Variants in STK24 observed in about 807,000 individuals in gnomAD.
STK24 encodes serine/threonine kinase 24.
In STK24, 21 loss-of-function variants were observed where a neutral mutation model predicts 55.6. The ratio of observed to expected loss-of-function variants is 0.38; its 90% confidence interval spans 0.27 to 0.54. The LOEUF is 0.54. Ranked by LOEUF, STK24 falls within the 20% of genes least tolerant of loss-of-function variation. The probability of loss-of-function intolerance (pLI) is 0.79; values close to 1 mark genes in which losing one functional copy is unlikely to be tolerated. For synonymous variants in STK24, 200 were observed against 215.2 expected (o/e 0.93, Z 0.62); for missense variants, 383 against 538.4 (o/e 0.71, Z 2.86).
At chr13:98,504,196 A>C (rs1337804797) in intron 2 of STK24, among the ~76,000 whole-genome samples, 3 of 148,956 alleles carry the variant, frequency 2.0e-5, no homozygotes, top group Non-Finnish European at 4.5e-5. Context: ...GCCTAACTTA[A>C]CTGAAGACAA....
intron 1 of STK24, among the ~76,000 whole-genome samples, chr13:98,570,635 G>A (rs1401963417): frequency 6.6e-6 from 1 of 152,184 alleles, no homozygotes; most frequent in Non-Finnish European, 1.5e-5. Context: ...TTCCCTGGGT[G>A]CGCATAAAGT....
rs1168633103 is a variant in STK24 at position 98,452,090 on chromosome 13, A to C, written c.*1083T>G. The C allele has an allele frequency of 6.6e-6, 1 of 152,240 alleles. No homozygotes were observed. The highest frequency in any genetic ancestry group is 2.4e-5 in the African/African-American group (1 of 41,456). The allele number at this position is 152,240 out of a possible 1,614,324, so 9.4% of individuals were successfully genotyped here. ...CACACACACACAGCCACGAGTACAC[A>C]CGCACGGCCACACATACACAGCAGG... On this transcript the variant is annotated 3_prime_UTR_variant, in exon 11 of 11. Coordinates refer to ENST00000539966, the MANE Select transcript of STK24 (RefSeq NM_001032296.4).
chr13:98,453,082 G>T lies in STK24; in HGVS notation c.*91C>A. 1 of 1,478,206 alleles carries T rather than the reference G, an allele frequency of 6.8e-7. No homozygotes were observed. The allele number at this position is 1,478,206 out of a possible 1,614,324, so 91.6% of individuals were successfully genotyped here. Reference sequence around the variant, plus strand: ...GCTCCCAGTGGCGCACCTCTTCGGTGGAGTCAGCGAAGGCTCTCGTTGACT... The same window carrying T: ...GCTCCCAGTGGCGCACCTCTTCGGTTGAGTCAGCGAAGGCTCTCGTTGACT... On this transcript the variant is annotated 3_prime_UTR_variant, in exon 11 of 11. Coordinates refer to ENST00000539966, the MANE Select transcript of STK24 (RefSeq NM_001032296.4).
chr13:98,522,549 A>C (rs962691393), intron 1 of STK24, among the ~76,000 whole-genome samples: 1 of 152,196 alleles, frequency 6.6e-6, no homozygotes, highest in African/African-American at 2.4e-5. Context: ...TCTGAACAGG[A>C]ACCCCCCAGA....
chr13:98,481,974 C>T lies in STK24; in HGVS notation c.330+291G>A, dbSNP rs558136879. Reference sequence around the variant, plus strand: ...CCCAGTTACTTGGAAGGCTGAGGCACAAAAATCGCTTGTACCCAGGAAGTA... The same window carrying T: ...CCCAGTTACTTGGAAGGCTGAGGCATAAAAATCGCTTGTACCCAGGAAGTA... On this transcript the variant is annotated intron_variant, in intron 3 of 10. Transcript: ENST00000539966. Among the ~76,000 whole-genome samples, 4 of 149,930 alleles carry T rather than the reference C, an allele frequency of 2.7e-5. No individual in the cohort carries two copies. In the East Asian group the frequency reaches 7.9e-4, roughly 30 times the overall value.
chr13:98,566,890 T>C (rs1180090861), intron 1 of STK24, among the ~76,000 whole-genome samples: 1 of 152,190 alleles, frequency 6.6e-6, no homozygotes, highest in Non-Finnish European at 1.5e-5. Context: ...AAGCAATACC[T>C]TTCTTCATCT....
chr13:98,514,120 G>A (rs1895975769), intron 2 of STK24, among the ~76,000 whole-genome samples: 1 of 152,208 alleles, frequency 6.6e-6, no homozygotes, highest in African/African-American at 2.4e-5. Flanking sequence ...TCTGCAGATA[G>A]GCATAGTAAG....
intron 9 of STK24, among the ~76,000 whole-genome samples, chr13:98,458,974 A>G (rs1291652901): frequency 6.6e-6 from 1 of 152,234 alleles, no homozygotes; most frequent in African/African-American, 2.4e-5. Context: ...CTGTGAGTTT[A>G]GCAATTGGTT....
chr13:98,571,615 C>T (rs1290831250), intron 1 of STK24, among the ~76,000 whole-genome samples: 2 of 152,170 alleles, frequency 1.3e-5, no homozygotes, highest in Non-Finnish European at 2.9e-5. Flanking sequence ...CATTTTGGAA[C>T]ACGGAGTATT....
chr13:98,512,534 A>G (rs1895918402), intron 2 of STK24, among the ~76,000 whole-genome samples: 1 of 151,966 alleles, frequency 6.6e-6, no homozygotes, highest in Non-Finnish European at 1.5e-5. Context: ...ACCGAGAAAC[A>G]AAAACAAAAC....
chr13:98,561,500 T>C (rs1897417044), intron 1 of STK24, among the ~76,000 whole-genome samples: 1 of 152,016 alleles, frequency 6.6e-6, no homozygotes, highest in Admixed American at 6.6e-5. Context: ...GAGAATCACT[T>C]GAAGCCGGGA....
rs1566337338 is a variant in STK24 at position 98,451,974 on chromosome 13, G to GC, written c.*1198dup. The stretch of plus-strand genomic sequence containing the variant: ...ACCTCCAACTGCATCATCTCGGTGA[G>GC]CAAGTGCGCAAGCAGTCCAGGGCGC... On this transcript the variant is annotated 3_prime_UTR_variant, in exon 11 of 11. Coordinates refer to ENST00000539966, the MANE Select transcript of STK24 (RefSeq NM_001032296.4). The GC allele has an allele frequency of 6.6e-6, 1 of 152,026 alleles. No individual in the cohort carries two copies. The highest frequency in any genetic ancestry group is 1.9e-4 in the East Asian group (1 of 5,194). The allele number at this position is 152,026 out of a possible 1,614,324, so 9.4% of individuals were successfully genotyped here. A position where few individuals can be genotyped will look rare whatever the true frequency, so the allele number is the denominator to read the frequency against.
chr13:98,544,089 G>A lies in STK24; in HGVS notation c.43-24616C>T, dbSNP rs1207145664. Among the ~76,000 whole-genome samples, 4 of 152,150 alleles carry A rather than the reference G, an allele frequency of 2.6e-5. No homozygotes were observed. The East Asian group carries it at 7.7e-4, about 29-fold the overall frequency. ...TTTACGTTAGGCTGCTGTGGCCCACGCTGAAGTTAATAAAGGAAGGAGAGT... is the reference window on the plus strand; with the variant it reads ...TTTACGTTAGGCTGCTGTGGCCCACACTGAAGTTAATAAAGGAAGGAGAGT... On this transcript the variant is annotated intron_variant, in intron 1 of 10. Coordinates refer to ENST00000539966, the MANE Select transcript of STK24 (RefSeq NM_001032296.4).
At chr13:98,514,302 C>T (rs1430001051) in intron 2 of STK24, among the ~76,000 whole-genome samples, 2 of 152,188 alleles carry the variant, frequency 1.3e-5, no homozygotes, top group Non-Finnish European at 2.9e-5. Flanking sequence ...CTCTTTTCCC[C>T]AAGGATAAAA....
intron 2 of STK24, among the ~76,000 whole-genome samples, chr13:98,491,207 T>C (rs939454312): frequency 6.6e-6 from 1 of 152,216 alleles, no homozygotes. Flanking sequence ...CTCATCTCCC[T>C]GCGAGCAATG....
At chr13:98,534,186 C>T (rs1048196925) in intron 1 of STK24, among the ~76,000 whole-genome samples, 1 of 152,230 alleles carries the variant, frequency 6.6e-6, no homozygotes, top group Non-Finnish European at 1.5e-5. Context: ...GCCCCAGGAT[C>T]TCTCAGTGGT....
chr13:98,514,158 C>A (rs79838205), intron 2 of STK24, among the ~76,000 whole-genome samples: 1 of 152,248 alleles, frequency 6.6e-6, no homozygotes, highest in South Asian at 2.1e-4. Flanking sequence ...ATTGTCCAAA[C>A]TAGGGTGCAT....
Position 98,463,721 on chromosome 13 carries a change from T to A in STK24, c.899A>T (p.His300Leu), listed in dbSNP as rs1893811440. The A allele has an allele frequency of 6.2e-7, 1 of 1,614,074 alleles. No homozygotes were observed. ...GGAATCCTCGGAGCTCGAGTCGTCATGGCTCTGCTCGGCCTTCCATCTCTT... is the reference window on the plus strand; with the variant it reads ...GGAATCCTCGGAGCTCGAGTCGTCAAGGCTCTGCTCGGCCTTCCATCTCTT... ...RYKRWKAEQSHDDSSSEDSDA... is the reference protein window; with the variant it reads ...RYKRWKAEQSLDDSSSEDSDA... Residue 300 changes from histidine (H) to leucine (L), a missense_variant, in exon 7 of 11, where the codon CAT becomes CTT. Coordinates refer to ENST00000539966, the MANE Select transcript of STK24 (RefSeq NM_001032296.4).
chr13:98,449,010 C>CTGTT lies in STK24; in HGVS notation c.*4159_*4162dup, dbSNP rs1566332851. 1.3e-5 allele frequency: 2 copies of CTGTT among 152,050 alleles called. No individual in the cohort carries two copies. The highest frequency in any genetic ancestry group is 2.9e-5 in the Non-Finnish European group (2 of 68,076). 9.4% of individuals were successfully genotyped at this position (152,050 alleles called of 1,614,324 possible). On this transcript the variant is annotated 3_prime_UTR_variant, in exon 11 of 11. Transcript: ENST00000539966. ...TTTCCAACCGTAGCAGGGTTGTTTT[C>CTGTT]TGTTAAGCAAAGCCGAGATCCAGTG... is the stretch of plus-strand genomic sequence containing the variant.
Sources: gnomAD v4.1 joint callset for allele counts (sites outside exome capture counted in the v4.1 genomes callset) on GRCh38, gnomAD v4.1.1 for gene constraint, MANE v1.5 for transcripts, NCBI Gene and HGNC (gene_info 2026-07-23, HGNC 2026-07-21) for gene names.